Variants in DCDC1 observed in about 807,000 individuals in gnomAD.
DCDC1 encodes doublecortin domain containing 1.
In DCDC1, 200 loss-of-function variants were observed where a neutral mutation model predicts 178.3. The ratio of observed to expected loss-of-function variants is 1.12; its 90% CI spans 1.00 to 1.26. The LOEUF (loss-of-function observed/expected upper bound fraction) is 1.26, where lower values mean the gene tolerates loss of function less well. DCDC1 is among the 50% of genes most tolerant of loss of function. DCDC1 has a pLI of 0.00. For missense variants in DCDC1, 1,983 were observed against 1,749.2 expected (o/e 1.13, Z -2.38); for synonymous variants, 690 against 604.8 (o/e 1.14, Z -2.07).
intron 8 of DCDC1, among the ~76,000 whole-genome samples, chr11:31,261,689 G>A (rs1944795761): frequency 1.3e-5 from 2 of 151,898 alleles, no homozygotes; most frequent in Non-Finnish European, 2.9e-5. Flanking sequence ...GTTAGTATGG[G>A]GGAGGCCTCC....
chr11:31,187,508 C>A (rs753672152), intron 9 of DCDC1, among the ~76,000 whole-genome samples: 24 of 150,408 alleles, frequency 1.6e-4, no homozygotes, highest in East Asian at 5.8e-4. Context: ...AACAAACAAA[C>A]AAAAAAAAAC....
At chr11:30,890,011 C>T (rs1943636922) in intron 36 of DCDC1, among the ~76,000 whole-genome samples, 1 of 152,072 alleles carries the variant, frequency 6.6e-6, no homozygotes, top group Non-Finnish European at 1.5e-5. Context: ...GAAGAGACGC[C>T]AGGGTTCTTT....
At chr11:31,332,550 A>G (rs1950048781) in intron 2 of DCDC1, among the ~76,000 whole-genome samples, 1 of 152,132 alleles carries the variant, frequency 6.6e-6, no homozygotes, top group African/African-American at 2.4e-5. Context: ...ACTGCTTTAA[A>G]TGTGTCCCAG....
chr11:31,294,541 C>G (rs1947466296), intron 6 of DCDC1, among the ~76,000 whole-genome samples: 1 of 143,876 alleles, frequency 7.0e-6, no homozygotes. Context: ...CGAGATCGTG[C>G]CACTGCACTC....
chr11:31,051,965 C>T (rs1222268645), intron 20 of DCDC1, among the ~76,000 whole-genome samples: 1 of 152,066 alleles, frequency 6.6e-6, no homozygotes, highest in African/African-American at 2.4e-5. Flanking sequence ...ACACAGGCAA[C>T]AATGAGCAAG....
chr11:30,970,817 C>T (rs1590605455), intron 20 of DCDC1, among the ~76,000 whole-genome samples: 1 of 152,218 alleles, frequency 6.6e-6, no homozygotes, highest in East Asian at 1.9e-4. Context: ...TATCTGCCTA[C>T]CACAGCCAGC....
At chr11:31,165,076 C>G (rs1302563687) in intron 9 of DCDC1, among the ~76,000 whole-genome samples, 1 of 152,122 alleles carries the variant, frequency 6.6e-6, no homozygotes, top group Non-Finnish European at 1.5e-5. Flanking sequence ...GGCTATACCA[C>G]ATAGGACAAA....
chr11:30,933,701 C>T (rs1379040086), intron 21 of DCDC1, among the ~76,000 whole-genome samples: 2 of 152,132 alleles, frequency 1.3e-5, no homozygotes, highest in African/African-American at 4.8e-5. Flanking sequence ...TTGTGAGAAA[C>T]ACACTCACGC....
rs1940798758 is a variant in DCDC1, at chr11:30,863,653, A to G, written c.*1720T>C. 1 of 152,256 alleles carries G rather than the reference A, an allele frequency of 6.6e-6. No individual in the cohort carries two copies. Among genetic ancestry groups the G allele is most frequent in the Non-Finnish European group, 1.5e-5 (1 of 68,034 alleles). The allele number at this position is 152,256 out of a possible 1,614,324, so 9.4% of individuals were successfully genotyped here. ...GTTTTTGAATAAAACAAAATAAGAT[A>G]TTACTACAGAGAAAGTTAGAATCAC... On this transcript the variant is annotated 3_prime_UTR_variant, in exon 39 of 39. Transcript: ENST00000684477.
intron 20 of DCDC1, 134 bp downstream of exon 20, chr11:31,064,334 CA>C: frequency 1.7e-6 from 1 of 585,412 alleles, no homozygotes; most frequent in Non-Finnish European, 3.1e-6. Context: ...AAATGTGACC[CA>C]AAAACTACTA....
chr11:31,085,532 A>G (rs1409523495), intron 17 of DCDC1, among the ~76,000 whole-genome samples: 1 of 152,102 alleles, frequency 6.6e-6, no homozygotes, highest in Non-Finnish European at 1.5e-5. Flanking sequence ...CTTCAGCGTA[A>G]TTACTTTGAG....
intron 8 of DCDC1, among the ~76,000 whole-genome samples, chr11:31,260,173 A>G (rs187639884): frequency 2.6e-4 from 39 of 152,292 alleles, no homozygotes; most frequent in Non-Finnish European, 5.3e-4. Flanking sequence ...TGGGAAGAAT[A>G]AAAATTAGGA....
chr11:30,953,245 TTA>T (rs1275545950), intron 20 of DCDC1, among the ~76,000 whole-genome samples: 1 of 148,686 alleles, frequency 6.7e-6, no homozygotes, highest in Non-Finnish European at 1.5e-5. Flanking sequence ...ATTATATTAA[TTA>T]TATAGTAATT....
At chr11:30,891,126 T>C (rs1420251748) in intron 36 of DCDC1, among the ~76,000 whole-genome samples, 2 of 152,200 alleles carry the variant, frequency 1.3e-5, no homozygotes, top group Admixed American at 6.5e-5. Flanking sequence ...TTTAAAACTC[T>C]GTCAATTTGA....
At chr11:31,134,831 C>T (rs563420242) in intron 10 of DCDC1, among the ~76,000 whole-genome samples, 73 of 152,090 alleles carry the variant, frequency 4.8e-4, no homozygotes, top group Non-Finnish European at 8.5e-4. Context: ...CCTATCTCTA[C>T]AAAAAAATTT....
intron 21 of DCDC1, among the ~76,000 whole-genome samples, chr11:30,945,877 C>T (rs1366954415): frequency 6.6e-6 from 1 of 152,054 alleles, no homozygotes; most frequent in Admixed American, 6.6e-5. Flanking sequence ...ACCACCCATC[C>T]ATTAGGTGGG....
chr11:31,226,945 C>T lies in DCDC1; in HGVS notation c.1221+14505G>A, dbSNP rs143781666. ...AAATAACAGATAAAAATAAAATAGA[C>T]GACAACAGTGGCACAAAGAATAGGA... On this transcript the variant is annotated intron_variant, in intron 9 of 38. Coordinates refer to ENST00000684477, the MANE Select transcript of DCDC1 (RefSeq NM_001387274.1). 5.8e-4 allele frequency among the ~76,000 whole-genome samples: 88 copies of T among 151,776 alleles called. 1 individual carries two copies. The East Asian group carries it at 8.7e-3, about 15-fold the overall frequency.
intron 11 of DCDC1, among the ~76,000 whole-genome samples, chr11:31,112,247 T>A (rs2135812225): frequency 6.6e-6 from 1 of 152,286 alleles, no homozygotes; most frequent in South Asian, 2.1e-4. Flanking sequence ...AGCTCTATAT[T>A]AATATGCCTA....
chr11:31,323,659 T>C (rs1180964113), intron 3 of DCDC1, among the ~76,000 whole-genome samples: 1 of 152,120 alleles, frequency 6.6e-6, no homozygotes, highest in African/African-American at 2.4e-5. Context: ...ATTTTAATGG[T>C]AATTAAGCTC....
Sources: gnomAD v4.1 joint callset for allele counts (sites outside exome capture counted in the v4.1 genomes callset) on GRCh38, gnomAD v4.1.1 for gene constraint, MANE v1.5 for transcripts, NCBI Gene and HGNC (gene_info 2026-07-23, HGNC 2026-07-21) for gene names.